Variants in RNF43 observed in about 807,000 individuals in gnomAD.
The protein encoded by RNF43 is E3 ubiquitin-protein ligase RNF43.
Under a neutral mutation model 78.4 loss-of-function variants are expected in RNF43, and 37 were observed. The observed-to-expected ratio is 0.47, with a 90% CI of 0.36 to 0.62. RNF43 has a LOEUF of 0.62. Ranked by LOEUF, RNF43 falls within the 20% of genes least tolerant of loss-of-function variation. RNF43 has a pLI of 0.00. For missense variants in RNF43, 774 were observed against 1,007.9 expected (o/e 0.77, Z 3.14); for synonymous variants, 347 against 395.0 (o/e 0.88, Z 1.44).
intron 2 of RNF43, among the ~76,000 whole-genome samples, chr17:58,382,992 T>C (rs932933564): frequency 1.3e-5 from 2 of 152,168 alleles, no homozygotes; most frequent in Non-Finnish European, 2.9e-5. Flanking sequence ...TTACAAACAA[T>C]TAAAAAAAAT....
At chr17:58,399,689 T>C (rs1048722165) in intron 2 of RNF43, among the ~76,000 whole-genome samples, 2 of 151,974 alleles carry the variant, frequency 1.3e-5, no homozygotes, top group African/African-American at 4.8e-5. Context: ...TCACCCAGGC[T>C]GGAGTGCAGT....
chr17:58,401,445 C>A (rs553007786), intron 2 of RNF43, among the ~76,000 whole-genome samples: 1 of 152,250 alleles, frequency 6.6e-6, no homozygotes, highest in South Asian at 2.1e-4. Flanking sequence ...GCAACACTTA[C>A]GAGGCAGGTG....
chr17:58,376,391 G>T (rs1255138484), intron 2 of RNF43, among the ~76,000 whole-genome samples: 1 of 151,934 alleles, frequency 6.6e-6, no homozygotes, highest in Admixed American at 6.6e-5. Flanking sequence ...AATAAATAAA[G>T]TAACATGATC....
intron 2 of RNF43, among the ~76,000 whole-genome samples, chr17:58,373,793 T>G (rs1973149513): frequency 6.6e-6 from 1 of 152,166 alleles, no homozygotes; most frequent in African/African-American, 2.4e-5. Context: ...TTAAAACCCA[T>G]TAACCATCTC....
At chr17:58,401,704 T>C (rs969627180) in intron 2 of RNF43, among the ~76,000 whole-genome samples, 2 of 152,146 alleles carry the variant, frequency 1.3e-5, no homozygotes, top group Non-Finnish European at 2.9e-5. Flanking sequence ...AATAAGACTA[T>C]GAAAATGAAA....
At chr17:58,403,363 T>A (rs1489841755) in intron 2 of RNF43, among the ~76,000 whole-genome samples, 1 of 152,116 alleles carries the variant, frequency 6.6e-6, no homozygotes, top group Non-Finnish European at 1.5e-5. Flanking sequence ...AGGACAAGGA[T>A]CTTTGATTAT....
At position 58,358,285 on chromosome 17, in the gene RNF43, G is replaced by T. The variant is rs895521963; in HGVS notation, c.1491C>A (p.Phe497Leu). Residue 497 changes from phenylalanine to leucine, a missense_variant, in exon 9 of 10, where the codon TTC (phenylalanine) becomes TTA (leucine). Phe to Leu is a conservative substitution (Grantham distance 22, BLOSUM62 0). Coordinates refer to ENST00000407977, the MANE Select transcript of RNF43 (RefSeq NM_017763.6). The surrounding 1 kb of genome is among the most constrained non-coding windows in gnomAD (Gnocchi z 6.2). ...CAAAGTCACTGCTTAGGGAGCTGCA[G>T]AAAGTAGAACTGCTGCCATGGACCC... is the stretch of plus-strand genomic sequence containing the variant. ...LQGVHGSSST[F>L]CSSLSSDFDP... The T allele has an allele frequency of 8.1e-6, 13 of 1,614,156 alleles. No homozygotes were observed. Among genetic ancestry groups the T allele is most frequent in the Non-Finnish European group, 1.1e-5 (13 of 1,180,016 alleles).
At chr17:58,356,886 C>A in intron 9 of RNF43, 1 of 143,278 alleles carries the variant, frequency 7.0e-6, no homozygotes, top group Non-Finnish European at 1.3e-5. Flanking sequence ...CCAAATGCCT[C>A]TTTTTTTTTT....
intron 2 of RNF43, among the ~76,000 whole-genome samples, chr17:58,391,263 T>C (rs1372195159): frequency 6.6e-6 from 1 of 152,188 alleles, no homozygotes; most frequent in Non-Finnish European, 1.5e-5. Flanking sequence ...AAATTAAATT[T>C]CTAATTCCAG....
chr17:58,374,461 T>C (rs2632512), intron 2 of RNF43, among the ~76,000 whole-genome samples: 128,618 of 150,684 alleles, frequency 0.85, 55,235 homozygotes, highest in East Asian at 1. Flanking sequence ...GGTGCAATCT[T>C]GGCTTGCTGC....
chr17:58,361,041 T>C lies in RNF43; in HGVS notation c.688-97A>G. The C allele has an allele frequency of 3.2e-6, 4 of 1,261,816 alleles. No individual in the cohort carries two copies. In the African/African-American group the frequency reaches 4.6e-5, roughly 14 times the overall value. 78.2% of individuals were successfully genotyped at this position (1,261,816 alleles called of 1,614,324 possible). Reference sequence around the variant, plus strand: ...CTCCGTTCCCAGTCACTCAGGTAGATCACATGGCCAGTTGAACATCCTTAG... The same window carrying C: ...CTCCGTTCCCAGTCACTCAGGTAGACCACATGGCCAGTTGAACATCCTTAG... On this transcript the variant is annotated intron_variant, in intron 6 of 9. Coordinates refer to ENST00000407977, the MANE Select transcript of RNF43 (RefSeq NM_017763.6).
intron 2 of RNF43, among the ~76,000 whole-genome samples, chr17:58,372,672 C>T (rs1429431478): frequency 2.0e-5 from 3 of 148,784 alleles, no homozygotes; most frequent in South Asian, 4.4e-4. Context: ...GCAAACACAT[C>T]GTGATGTTAC....
intron 5 of RNF43, 68 bp downstream of exon 5, chr17:58,363,207 G>A (rs2143464999): frequency 1.9e-6 from 3 of 1,578,720 alleles, no homozygotes; most frequent in Non-Finnish European, 2.6e-6. Context: ...AAGGGCTTTT[G>A]GTGGGAGTTG....
At chr17:58,389,311 G>A (rs1481005758) in intron 2 of RNF43, among the ~76,000 whole-genome samples, 1 of 152,058 alleles carries the variant, frequency 6.6e-6, no homozygotes, top group Non-Finnish European at 1.5e-5. Context: ...TAAACTTGGA[G>A]AATTGGAAAA....
chr17:58,382,147 T>A (rs1411502490), intron 2 of RNF43, among the ~76,000 whole-genome samples: 1 of 152,188 alleles, frequency 6.6e-6, no homozygotes, highest in Non-Finnish European at 1.5e-5. Context: ...GGGTCAATGC[T>A]GCATTGTGAC....
chr17:58,371,501 TC>T (rs1973095899), intron 2 of RNF43, among the ~76,000 whole-genome samples: 1 of 152,242 alleles, frequency 6.6e-6, no homozygotes, highest in South Asian at 2.1e-4. Context: ...TGCTGGTGCC[TC>T]CTGCCTCCTC....
intron 2 of RNF43, among the ~76,000 whole-genome samples, chr17:58,404,511 G>T (rs536331292): frequency 1.3e-5 from 2 of 152,286 alleles, no homozygotes; most frequent in Non-Finnish European, 2.9e-5. Flanking sequence ...AATGTTTAAT[G>T]TATGTCATAG....
intron 2 of RNF43, among the ~76,000 whole-genome samples, chr17:58,403,582 C>G (rs1973848002): frequency 6.6e-6 from 1 of 152,046 alleles, no homozygotes; most frequent in African/African-American, 2.4e-5. Context: ...TGGCCCTCAG[C>G]AACAGCACGG....
At chr17:58,407,592 C>A (rs1973939761) in intron 2 of RNF43, among the ~76,000 whole-genome samples, 1 of 151,762 alleles carries the variant, frequency 6.6e-6, no homozygotes, top group Admixed American at 6.6e-5. Flanking sequence ...GTTTAGAACC[C>A]AGATAAAAAG....
Sources: allele counts gnomAD v4.1 joint callset (sites outside exome capture counted in the v4.1 genomes callset), GRCh38; gene constraint gnomAD v4.1.1; non-coding constraint Gnocchi (gnomAD v3.1); transcripts MANE v1.5; gene names NCBI Gene and HGNC (gene_info 2026-07-23, HGNC 2026-07-21).